The following CCDC88A variants were observed in gnomAD, a reference collection of about 807,000 sequenced individuals.
The protein encoded by CCDC88A is coiled-coil and HOOK domain protein 88A, also known as girdin.
In CCDC88A, 54 loss-of-function variants were observed where a neutral mutation model predicts 234.3. The ratio of observed to expected loss-of-function variants is 0.23; its 90% CI spans 0.19 to 0.29. The LOEUF (loss-of-function observed/expected upper bound fraction) is 0.29, where lower values mean the gene tolerates loss of function less well. Among genes scored for constraint, CCDC88A ranks in the 10% least tolerant of loss-of-function variants. CCDC88A has a pLI of 1.00. For synonymous variants in CCDC88A, 753 were observed against 737.8 expected (o/e 1.02, Z -0.33); for missense variants, 1,832 against 2,123.4 (o/e 0.86, Z 2.70).
In CCDC88A at chr2:55,315,928, C is replaced by T; in HGVS notation, c.3933G>A (p.Glu1311=). Residue 1311 remains glutamate (E), a splice_region_variant and synonymous_variant, in exon 22 of 33, where the codon GAG becomes GAA. Transcript: ENST00000436346. The part of the protein sequence containing the change: ...ITSTKLNNQC[E]LLSQLKGNLE... ...CAGTGATTAAACTTTTTAAGCTCAC[C>T]TCACACTGGTTATTCAGCTTGGTTG... 1 of 1,516,018 alleles carries T rather than the reference C, an allele frequency of 6.6e-7. No homozygotes were observed. The highest frequency in any genetic ancestry group is 1.4e-5 in the South Asian group (1 of 74,044). 93.9% of individuals were successfully genotyped at this position (1,516,018 alleles called of 1,614,324 possible). A position where few individuals can be genotyped will look rare whatever the true frequency, so the allele number is the denominator to read the frequency against.
intron 5 of CCDC88A, among the ~76,000 whole-genome samples, chr2:55,371,431 C>T (rs1201619971): frequency 2.6e-5 from 4 of 152,028 alleles, no homozygotes; most frequent in Non-Finnish European, 5.9e-5. Flanking sequence ...TTATAAATAA[C>T]CTCATTCCAC....
In CCDC88A at chr2:55,291,762, T is replaced by C. The variant is rs1679471948; in HGVS notation, c.5565A>G (p.Val1855=). Residue 1855 remains valine (V), a synonymous_variant, in exon 32 of 33, where the codon GTA becomes GTG. Coordinates refer to ENST00000436346, the MANE Select transcript of CCDC88A (RefSeq NM_001365480.1). The stretch of plus-strand genomic sequence containing the variant: ...TGCTTTTTGAATTTCTGCTTTCTTG[T>C]ACTTTGTCCACATCTGCAGGAGAAA... ...NTTAASNVDK[V]QESRNSKSRS... is the part of the protein sequence containing the mutation. 6.2e-7 allele frequency: 1 copy of C among 1,612,030 alleles called. No homozygotes were observed. The highest frequency in any genetic ancestry group is 8.5e-7 in the Non-Finnish European group (1 of 1,178,710).
Position 55,379,929 on chromosome 2 carries a change from A to G in CCDC88A, c.274-5046T>C, listed in dbSNP as rs549277925. On this transcript the variant is annotated intron_variant, in intron 3 of 32. Transcript: ENST00000436346. Reference sequence around the variant, plus strand: ...ACTCCGTCTCTAAATAAATAAATAAATAAAAAAGCAGAGGCCATGTGCAGT... The same window carrying G: ...ACTCCGTCTCTAAATAAATAAATAAGTAAAAAAGCAGAGGCCATGTGCAGT... Among the ~76,000 whole-genome samples, 487 of 151,788 alleles carry G rather than the reference A, an allele frequency of 3.2e-3. 1 individual carries two copies. The highest frequency in any genetic ancestry group is 5.6e-3 in the Non-Finnish European group (380 of 67,932).
Position 55,317,959 on chromosome 2 carries a change from C to T in CCDC88A, c.3325-118G>A. ...AAATGAATCACAGCACACATATTTA[C>T]ATTATACTGGGAAGACGTGGATTTT... is the stretch of plus-strand genomic sequence containing the variant. On this transcript the variant is annotated intron_variant, in intron 19 of 32. Coordinates refer to ENST00000436346, the MANE Select transcript of CCDC88A (RefSeq NM_001365480.1). This position sits in a 1 kb window ranked among gnomAD's most constrained non-coding sequence, Gnocchi z 4.2. The T allele has an allele frequency of 1.4e-6, 1 of 723,094 alleles. No individual in the cohort carries two copies. Among genetic ancestry groups the T allele is most frequent in the South Asian group, 2.2e-5 (1 of 46,144 alleles). The allele number at this position is 723,094 out of a possible 1,614,324, so 44.8% of individuals were successfully genotyped here.
At chr2:55,339,184 C>G (rs1423763200) in intron 13 of CCDC88A, 2 of 255,274 alleles carry the variant, frequency 7.8e-6, no homozygotes, top group African/African-American at 4.5e-5. Flanking sequence ...GTCACAAACT[C>G]CCGACCTCAG....
intron 17 of CCDC88A, chr2:55,323,431 C>T (rs562351579): frequency 2.2e-4 from 34 of 152,178 alleles, no homozygotes; most frequent in Non-Finnish European, 4.0e-4. Context: ...AATATTGCTA[C>T]CAATGAGTTA....
chr2:55,373,863 A>G (rs1673203543), intron 4 of CCDC88A, among the ~76,000 whole-genome samples: 1 of 152,182 alleles, frequency 6.6e-6, no homozygotes, highest in Non-Finnish European at 1.5e-5. Context: ...GTATGGGCTG[A>G]AGAAAATACA....
At chr2:55,401,448 A>AAAAAAAAAAAAAATC (rs1678632845) in intron 2 of CCDC88A, among the ~76,000 whole-genome samples, 1 of 18,154 alleles carries the variant, frequency 5.5e-5, no homozygotes, top group Non-Finnish European at 1.2e-4. Context: ...AAAAAAAAAA[A>AAAAAAAAAAAAAATC]TATATATATA....
intron 12 of CCDC88A, among the ~76,000 whole-genome samples, chr2:55,342,351 T>C (rs1045492494): frequency 1.3e-5 from 2 of 152,088 alleles, no homozygotes; most frequent in Non-Finnish European, 2.9e-5. Context: ...TAAGATCAAT[T>C]ACAAAACAAC....
At chr2:55,316,164 G>A (rs897433816) in intron 21 of CCDC88A, 50 bp from the exon 22 acceptor site, 6 of 768,200 alleles carry the variant, frequency 7.8e-6, no homozygotes, top group South Asian at 2.8e-5. Context: ...AATAGCTTTT[G>A]GTGTAATTTA....
intron 11 of CCDC88A, 102 bp from the exon 12 acceptor site, chr2:55,343,894 T>G: frequency 1.0e-6 from 1 of 975,842 alleles, no homozygotes; most frequent in Non-Finnish European, 1.5e-6. Flanking sequence ...AGAAACTCAG[T>G]AATAATTATG....
intron 7 of CCDC88A, chr2:55,361,824 C>G (rs1671363563): frequency 6.6e-6 from 1 of 152,316 alleles, no homozygotes; most frequent in Non-Finnish European, 1.5e-5. Flanking sequence ...AAATAATTCT[C>G]TTTTTAAAAT....
Position 55,304,241 on chromosome 2 carries a change from T to G in CCDC88A, c.4388-1089A>C, listed in dbSNP as rs544896084. On this transcript the variant is annotated intron_variant, in intron 25 of 32. Transcript: ENST00000436346. ...TGAGCCCAGGAGTTCAAGGCTATAG[T>G]GAGCTATGATCACGCCACTGCACTC... Among the ~76,000 whole-genome samples, 6 of 152,264 alleles carry G rather than the reference T, an allele frequency of 3.9e-5. No homozygotes were observed. In the East Asian group the frequency reaches 1.2e-3, roughly 29 times the overall value.
intron 2 of CCDC88A, chr2:55,404,292 C>CT (rs767816788): frequency 1.1e-4 from 16 of 152,140 alleles, no homozygotes; most frequent in Non-Finnish European, 2.4e-4. Flanking sequence ...GTAAGAAAAT[C>CT]TTTTTTCCAA....
In CCDC88A at chr2:55,309,485, C is replaced by A. The variant is rs531012707; in HGVS notation, c.4080-231G>T. Among the ~76,000 whole-genome samples, 2 of 152,050 alleles carry A rather than the reference C, an allele frequency of 1.3e-5. No individual in the cohort carries two copies. Among genetic ancestry groups the A allele is most frequent in the Non-Finnish European group, 2.9e-5 (2 of 67,962 alleles). On this transcript the variant is annotated intron_variant, in intron 23 of 32. Coordinates refer to ENST00000436346, the MANE Select transcript of CCDC88A (RefSeq NM_001365480.1). This position sits in a 1 kb window ranked among gnomAD's most constrained non-coding sequence, Gnocchi z 5.1. ...TTTTTGGAAGAAAGGTGACCTATTA[C>A]AATTTATATCAGCAAAAAATTAAAA...
At chr2:55,343,554 A>G (rs1668751171) in intron 12 of CCDC88A, 94 bp downstream of exon 12, 4 of 907,630 alleles carry the variant, frequency 4.4e-6, no homozygotes, top group Admixed American at 2.8e-5. Flanking sequence ...GTCTTCTGAG[A>G]TATCTCCCAC....
At chr2:55,384,557 A>G in intron 3 of CCDC88A, among the ~76,000 whole-genome samples, 1 of 86,866 alleles carries the variant, frequency 1.2e-5, no homozygotes, top group African/African-American at 6.6e-5. Flanking sequence ...ATGTGTATAT[A>G]TACACATATA....
In CCDC88A at chr2:55,296,038, C is replaced by T. The variant is rs1679989708; in HGVS notation, c.5110G>A (p.Glu1704Lys). 6.2e-7 allele frequency: 1 copy of T among 1,602,180 alleles called. No individual in the cohort carries two copies. The highest frequency in any genetic ancestry group is 1.4e-5 in the African/African-American group (1 of 74,044). The change falls in exon 31 of 33, where the codon GAG becomes AAG. Residue 1704 changes from glutamate to lysine, a missense_variant. Glu to Lys is a moderately conservative substitution (Grantham distance 56, BLOSUM62 1). Around this residue, in one of 6 missense-constraint regions of CCDC88A, gnomAD observed 422 missense variants for 416.5 expected, o/e 1.01. Coordinates refer to ENST00000436346, the MANE Select transcript of CCDC88A (RefSeq NM_001365480.1). ...TTCATTACTTCATCTAAAAGATTCT[C>T]TTGACTTGAGGACTTTATCTGTTTA... ...TSVQIKSSSQ[E>K]NLLDEVMKSL...
intron 3 of CCDC88A, among the ~76,000 whole-genome samples, chr2:55,386,428 T>C (rs1675647810): frequency 1.6e-5 from 1 of 63,344 alleles, no homozygotes; most frequent in Non-Finnish European, 3.9e-5. Flanking sequence ...AGTGAGACTC[T>C]GTCTCTTTTT....
Sources: gnomAD v4.1 joint callset for allele counts (sites outside exome capture counted in the v4.1 genomes callset) on GRCh38, gnomAD v4.1.1 for gene constraint, gnomAD v4.1.1 regional missense constraint, Gnocchi (gnomAD v3.1) non-coding constraint, MANE v1.5 for transcripts, NCBI Gene and HGNC (gene_info 2026-07-23, HGNC 2026-07-21) for gene names.